MEMO1: variants seen among roughly 807,000 people sequenced by gnomAD.
MEMO1 encodes protein MEMO1.
A neutral mutation model predicts 45.2 loss-of-function variants in MEMO1; 6 were observed. The observed-to-expected ratio is 0.13, with a 90% confidence interval of 0.07 to 0.26. The LOEUF is 0.26. MEMO1 is among the 10% of genes least tolerant of loss of function. The pLI, the probability that MEMO1 is intolerant of heterozygous loss-of-function variation, is 1.00. For missense variants in MEMO1, 184 were observed against 370.5 expected (o/e 0.50, Z 4.13); for synonymous variants, 78 against 124.3 (o/e 0.63, Z 2.48).
At chr2:31,928,575 A>G (rs1683474546) in intron 4 of MEMO1, among the ~76,000 whole-genome samples, 1 of 151,658 alleles carries the variant, frequency 6.6e-6, no homozygotes, top group African/African-American at 2.4e-5. Flanking sequence ...AAGAAGAAAA[A>G]GAAAAATCTT....
At chr2:31,949,014 C>T (rs1034686016) in intron 2 of MEMO1, among the ~76,000 whole-genome samples, 1 of 152,142 alleles carries the variant, frequency 6.6e-6, no homozygotes, top group Admixed American at 6.5e-5. Context: ...AAAAGGTGCT[C>T]AACATCACCG....
intron 2 of MEMO1, among the ~76,000 whole-genome samples, chr2:32,000,775 T>C (rs890117909): frequency 7.3e-5 from 11 of 151,092 alleles, no homozygotes; most frequent in African/African-American, 2.4e-4. Context: ...CTTTCCTCTA[T>C]CTAGCATACC....
chr2:31,889,274 T>A (rs1676604999), intron 7 of MEMO1, among the ~76,000 whole-genome samples: 1 of 152,072 alleles, frequency 6.6e-6, no homozygotes, highest in Non-Finnish European at 1.5e-5. Context: ...CCCCAAAAAA[T>A]TCAGGTATTT....
chr2:31,875,850 C>T (rs1313795088), intron 8 of MEMO1, among the ~76,000 whole-genome samples: 3 of 152,024 alleles, frequency 2.0e-5, no homozygotes, highest in Non-Finnish European at 4.4e-5. Context: ...CCATGCCCGA[C>T]TAATTTTTGT....
chr2:31,912,845 A>G (rs1192778415), intron 6 of MEMO1, among the ~76,000 whole-genome samples: 3 of 152,136 alleles, frequency 2.0e-5, no homozygotes, highest in Non-Finnish European at 4.4e-5. Context: ...TCTTGACTCT[A>G]TTTACATTTT....
chr2:31,946,849 GAA>G (rs995563467), intron 2 of MEMO1, among the ~76,000 whole-genome samples: 1 of 152,062 alleles, frequency 6.6e-6, no homozygotes, highest in African/African-American at 2.4e-5. Flanking sequence ...GCAAAAAAAA[GAA>G]AAACTGCAAT....
intron 2 of MEMO1, among the ~76,000 whole-genome samples, chr2:31,972,526 C>A (rs528437063): frequency 6.6e-6 from 1 of 152,124 alleles, no homozygotes; most frequent in Non-Finnish European, 1.5e-5. Flanking sequence ...GCCTGGCCAA[C>A]ATGGTGAAAC....
chr2:31,951,217 C>T (rs1408901487), intron 2 of MEMO1, among the ~76,000 whole-genome samples: 1 of 152,106 alleles, frequency 6.6e-6, no homozygotes, highest in Non-Finnish European at 1.5e-5. Flanking sequence ...GGATTAACTA[C>T]CAAATTCACA....
chr2:31,879,278 G>C (rs1675007560), intron 8 of MEMO1, among the ~76,000 whole-genome samples: 2 of 152,096 alleles, frequency 1.3e-5, no homozygotes, highest in South Asian at 4.1e-4. Context: ...GCTAAATAAA[G>C]CTCATCCTCT....
chr2:31,911,442 T>C (rs1173500953), intron 6 of MEMO1, among the ~76,000 whole-genome samples: 1 of 152,186 alleles, frequency 6.6e-6, no homozygotes, highest in African/African-American at 2.4e-5. Context: ...TATGGTATTA[T>C]AACAACAGAG....
intron 8 of MEMO1, among the ~76,000 whole-genome samples, chr2:31,882,547 T>A (rs918082904): frequency 3.9e-5 from 6 of 152,120 alleles, no homozygotes; most frequent in African/African-American, 1.4e-4. Flanking sequence ...AAAATAAATA[T>A]GCCTCTGTCA....
intron 6 of MEMO1, among the ~76,000 whole-genome samples, chr2:31,908,598 G>A (rs113001923): frequency 6.6e-6 from 1 of 152,138 alleles, no homozygotes; most frequent in African/African-American, 2.4e-5. Context: ...TACTTAAAGG[G>A]TAATGAACTA....
chr2:31,992,703 G>A lies in MEMO1; in HGVS notation c.61+17484C>T, dbSNP rs190815041. Among the ~76,000 whole-genome samples the A allele has an allele frequency of 7.2e-3, 1,098 of 152,260 alleles. 17 individuals carry two copies. The highest frequency in any genetic ancestry group is 0.025 in the African/African-American group (1,026 of 41,548). On this transcript the variant is annotated intron_variant, in intron 2 of 9. Coordinates refer to ENST00000404530, the MANE Select transcript of MEMO1 (RefSeq NM_001301833.4). ...GGAGACTGAGGCAGGAGAATCACTC[G>A]AACCCAGGAGATGGAGGGTGCAGTG...
chr2:31,919,980 A>C (rs753354682), intron 5 of MEMO1, among the ~76,000 whole-genome samples: 2 of 147,394 alleles, frequency 1.4e-5, no homozygotes, highest in Admixed American at 6.8e-5. Context: ...GTGTGTGTAC[A>C]TGCGTGTGTG....
At chr2:31,925,400 C>A in intron 4 of MEMO1, among the ~76,000 whole-genome samples, 1 of 140,766 alleles carries the variant, frequency 7.1e-6, no homozygotes, top group South Asian at 2.2e-4. Context: ...CGTTTGAACC[C>A]GGGAGGCAGA....
rs556402364 is a variant in MEMO1, at chr2:31,880,085, A to T, written c.657+3301T>A. Among the ~76,000 whole-genome samples the T allele has an allele frequency of 2.0e-5, 3 of 152,194 alleles. No homozygotes were observed. In the East Asian group the frequency reaches 5.8e-4, roughly 29 times the overall value. ...CTTTGTAAGTATGTTCAACCACTGG[A>T]CTCCATTAAGTCACGGACTATGTTT... On this transcript the variant is annotated intron_variant, in intron 8 of 9. Transcript: ENST00000404530.
rs1301459039 is a variant in MEMO1, at chr2:31,993,839, T to C, written c.61+16348A>G. 2.6e-5 allele frequency among the ~76,000 whole-genome samples: 4 copies of C among 151,510 alleles called. No individual in the cohort carries two copies. The Middle Eastern group carries it at 0.014, about 526-fold the overall frequency. On this transcript the variant is annotated intron_variant, in intron 2 of 9. Transcript: ENST00000404530. ...ATAGAACTCCACCAAGGCCAAACTA[T>C]CCTATTTTTTATCCTAAAAAATTGT... is the stretch of plus-strand genomic sequence containing the variant.
chr2:31,992,208 T>C (rs548666977), intron 2 of MEMO1, among the ~76,000 whole-genome samples: 14 of 152,320 alleles, frequency 9.2e-5, no homozygotes, highest in South Asian at 6.2e-4. Context: ...GAGGAAACAA[T>C]TGGGAGGCCA....
Position 31,969,586 on chromosome 2 carries a change from G to GGTGGGT in MEMO1, c.62-26204_62-26203insACCCAC, listed in dbSNP as rs1273367737. 2.9e-4 allele frequency among the ~76,000 whole-genome samples: 34 copies of GGTGGGT among 119,264 alleles called. 1 individual carries two copies. The East Asian group carries it at 6.3e-3, about 22-fold the overall frequency. 78.2% of individuals were successfully genotyped at this position (119,264 alleles called of 152,430 possible). On this transcript the variant is annotated intron_variant, in intron 2 of 9. Coordinates refer to ENST00000404530, the MANE Select transcript of MEMO1 (RefSeq NM_001301833.4). ...AATCTTTTCTGGGGGTGTGTGTGTG[G>GGTGGGT]GTGTGTGTGTGTGTGTGTGTGTGTG...
Sources: gnomAD v4.1 joint callset for allele counts (sites outside exome capture counted in the v4.1 genomes callset) on GRCh38, gnomAD v4.1.1 for gene constraint, MANE v1.5 for transcripts, NCBI Gene and HGNC (gene_info 2026-07-23, HGNC 2026-07-21) for gene names.